ICE2: variants seen among roughly 807,000 people sequenced by gnomAD.
ICE2 encodes interactor of little elongation complex ELL subunit 2.
Under a neutral mutation model 105.4 loss-of-function variants are expected in ICE2, and 87 were observed. The observed-to-expected ratio is 0.83, with a 90% CI of 0.69 to 0.99. The LOEUF (loss-of-function observed/expected upper bound fraction) is 0.99. Ranked by LOEUF, ICE2 falls within the 50% of genes least tolerant of loss-of-function variation. ICE2 has a pLI of 0.00. For missense variants in ICE2, 1,323 were observed against 1,146.7 expected (o/e 1.15, Z -2.22); for synonymous variants, 399 against 392.0 (o/e 1.02, Z -0.21).
intron 3 of ICE2, among the ~76,000 whole-genome samples, chr15:60,472,304 A>G (rs1199065665): frequency 6.6e-6 from 1 of 152,172 alleles, no homozygotes; most frequent in East Asian, 1.9e-4. Context: ...TTATCTTGAA[A>G]TTAACAGAAT....
At chr15:60,438,114 C>T (rs1375581434) in intron 12 of ICE2, 3 of 152,024 alleles carry the variant, frequency 2.0e-5, no homozygotes, top group Admixed American at 6.6e-5. Flanking sequence ...CTGAAATATA[C>T]CAAGGAAGAG....
chr15:60,456,834 CTAA>C, intron 5 of ICE2, 40 bp from the exon 6 acceptor site: 1 of 1,331,528 alleles, frequency 7.5e-7, no homozygotes, highest in South Asian at 1.6e-5. Flanking sequence ...TTGTATTTCT[CTAA>C]TAATGCAAAA....
intron 11 of ICE2, among the ~76,000 whole-genome samples, chr15:60,444,245 A>T (rs1225422572): frequency 2.0e-5 from 3 of 152,166 alleles, no homozygotes; most frequent in Non-Finnish European, 4.4e-5. Flanking sequence ...AAAAAATTTT[A>T]AATATGTATT....
chr15:60,423,556 A>T lies in ICE2; in HGVS notation c.*78T>A, dbSNP rs2063271473. On this transcript the variant is annotated 3_prime_UTR_variant, in exon 16 of 16. Transcript: ENST00000261520. ...GGAAAAATGTTCCTCTTGCCTACTG[A>T]TTATTTTCCCTCAAACTTATCTAAA... 1 of 1,374,136 alleles carries T rather than the reference A, an allele frequency of 7.3e-7. No homozygotes were observed. The highest frequency in any genetic ancestry group is 2.7e-5 in the East Asian group (1 of 37,132). The allele number at this position is 1,374,136 out of a possible 1,614,324, so 85.1% of individuals were successfully genotyped here.
intron 5 of ICE2, among the ~76,000 whole-genome samples, chr15:60,459,371 T>C (rs2064211249): frequency 1.3e-5 from 2 of 152,180 alleles, no homozygotes; most frequent in African/African-American, 4.8e-5. Flanking sequence ...TCTTTAAATG[T>C]CGTGGAAAAA....
chr15:60,452,259 A>C (rs948710363), intron 9 of ICE2: 1 of 916,132 alleles, frequency 1.1e-6, no homozygotes, highest in Non-Finnish European at 1.3e-6. Flanking sequence ...AAATATAAAA[A>C]CCAAAAGGCC....
rs1272008998 is a variant in ICE2 at position 60,455,442 on chromosome 15, C to T, written c.667G>A (p.Gly223Ser). ...LKLEKTLLAL[G>S]SVKYVKTVFP... ...ACTGTTTTCACATATTTTACACTGC[C>T]CTAAATATGAAAAAAAAATCATTTT... Residue 223 changes from glycine to serine, a missense_variant and splice_region_variant, in exon 7 of 16, where the codon GGC becomes AGC. Gly to Ser is a moderately conservative substitution (Grantham distance 56). Transcript: ENST00000261520. 1 of 1,574,868 alleles carries T rather than the reference C, an allele frequency of 6.3e-7. No homozygotes were observed. The highest frequency in any genetic ancestry group is 8.7e-7 in the Non-Finnish European group (1 of 1,155,346).
intron 15 of ICE2, among the ~76,000 whole-genome samples, chr15:60,425,713 C>T (rs1280714990): frequency 6.6e-6 from 1 of 152,182 alleles, no homozygotes; most frequent in African/African-American, 2.4e-5. Flanking sequence ...AATTTTTACA[C>T]CATGAAAATA....
intron 15 of ICE2, among the ~76,000 whole-genome samples, 182 bp from the exon 16 acceptor site, chr15:60,423,944 A>C (rs2063282713): frequency 6.6e-6 from 1 of 152,222 alleles, no homozygotes; most frequent in South Asian, 2.1e-4. Context: ...TAAGTACTAA[A>C]CTTTCAAATA....
chr15:60,447,847 A>C, intron 11 of ICE2, 123 bp downstream of exon 11: 1 of 806,592 alleles, frequency 1.2e-6, no homozygotes, highest in Non-Finnish European at 1.9e-6. Context: ...AAAACAAAAA[A>C]CAAAACTCAA....
chr15:60,449,157 C>T lies in ICE2; in HGVS notation c.1810G>A (p.Ala604Thr). ...TGTCCTGAGGAAGAATTTGGACTAGCTGGTCTGGAACTTAAGTTAGAACCC... is the reference window on the plus strand; with the variant it reads ...TGTCCTGAGGAAGAATTTGGACTAGTTGGTCTGGAACTTAAGTTAGAACCC... ...VVGSNLSSRP[A>T]SPNSSSGQAS... The change falls in exon 10 of 16, where the codon GCT (alanine) becomes ACT (threonine). Residue 604 changes from alanine to threonine, a missense_variant. Coordinates refer to ENST00000261520, the MANE Select transcript of ICE2 (RefSeq NM_024611.6). 6.2e-7 allele frequency: 1 copy of T among 1,614,076 alleles called. No individual in the cohort carries two copies. Among genetic ancestry groups the T allele is most frequent in the Non-Finnish European group, 8.5e-7 (1 of 1,179,956 alleles).
rs1331754350 is a variant in ICE2 at position 60,448,108 on chromosome 15, T to C, written c.2157A>G (p.Thr719=). 6.8e-6 allele frequency: 11 copies of C among 1,612,830 alleles called. No individual in the cohort carries two copies. Among genetic ancestry groups the C allele is most frequent in the East Asian group, 2.2e-5 (1 of 44,856 alleles). The change falls in exon 11 of 16, where the codon ACA becomes ACG. Residue 719 remains threonine, a synonymous_variant. Coordinates refer to ENST00000261520, the MANE Select transcript of ICE2 (RefSeq NM_024611.6). ...PYELQDYVED[T]SEYLAPQEGN... is the part of the protein sequence containing the mutation. ...CTTCCTGAGGAGCTAGGTATTCCGA[T>C]GTATCTTCAACATAGTCCTGAAGTT...
chr15:60,475,006 A>G (rs1361515782), intron 3 of ICE2, among the ~76,000 whole-genome samples: 1 of 152,206 alleles, frequency 6.6e-6, no homozygotes, highest in African/African-American at 2.4e-5. Flanking sequence ...GAAAATGGGA[A>G]AGAACAAAGA....
At chr15:60,458,658 A>AT (rs1483051670) in intron 5 of ICE2, among the ~76,000 whole-genome samples, 14 of 152,168 alleles carry the variant, frequency 9.2e-5, no homozygotes, top group Admixed American at 1.3e-4. Flanking sequence ...AGCATTATTC[A>AT]TAACAGCCAA....
At chr15:60,445,115 A>G (rs1020829637) in intron 11 of ICE2, among the ~76,000 whole-genome samples, 7 of 152,250 alleles carry the variant, frequency 4.6e-5, no homozygotes, top group African/African-American at 1.7e-4. Context: ...TGACAACTAA[A>G]ATAATTGAAG....
rs1388836302 is a variant in ICE2 at position 60,433,502 on chromosome 15, A to AT, written c.2511-1519dup. On this transcript the variant is annotated intron_variant, in intron 13 of 15. Transcript: ENST00000261520. Reference sequence around the variant, plus strand: ...TCTCTCCCTCCCTCTCTTTATTTTTATTTTTTTGAGATGAGTCTTGCTCTT... The same window carrying AT: ...TCTCTCCCTCCCTCTCTTTATTTTTATTTTTTTTGAGATGAGTCTTGCTCTT... 4.9e-5 allele frequency among the ~76,000 whole-genome samples: 7 copies of AT among 144,262 alleles called. No individual in the cohort carries two copies. In the East Asian group the frequency reaches 8.2e-4, roughly 17 times the overall value. 94.6% of individuals were successfully genotyped at this position (144,262 alleles called of 152,430 possible).
In ICE2 at chr15:60,423,659, G is replaced by A; in HGVS notation, c.2924C>T (p.Ala975Val). The change falls in exon 16 of 16, where the codon GCT (alanine) becomes GTT (valine). Residue 975 changes from alanine (A) to valine (V), a missense_variant. By Grantham distance (64) the Ala-to-Val change is moderately conservative. Transcript: ENST00000261520. ...PAQQVETEGV[A>V]PHKRKIT Reference sequence around the variant, plus strand: ...TCAAGTTATTTTTCTTTTATGTGGAGCCACTCCTTCAGTTTCAACTTGCTG... The same window carrying A: ...TCAAGTTATTTTTCTTTTATGTGGAACCACTCCTTCAGTTTCAACTTGCTG... 1 of 1,609,246 alleles carries A rather than the reference G, an allele frequency of 6.2e-7. No homozygotes were observed. The highest frequency in any genetic ancestry group is 8.5e-7 in the Non-Finnish European group (1 of 1,178,838).
intron 3 of ICE2, among the ~76,000 whole-genome samples, chr15:60,469,517 T>C (rs1425771682): frequency 6.6e-6 from 1 of 151,698 alleles, no homozygotes; most frequent in Non-Finnish European, 1.5e-5. Context: ...GAAGACAGAG[T>C]TCTCATGTTT....
intron 11 of ICE2, chr15:60,447,769 C>A (rs1313046165): frequency 4.7e-6 from 2 of 429,736 alleles, no homozygotes. Flanking sequence ...ATGTTACCGG[C>A]ATTTATGGCT....
Sources: allele counts gnomAD v4.1 joint callset (sites outside exome capture counted in the v4.1 genomes callset), GRCh38; gene constraint gnomAD v4.1.1; transcripts MANE v1.5; gene names NCBI Gene and HGNC (gene_info 2026-07-23, HGNC 2026-07-21).